The following USP11 variants were observed in gnomAD, a reference collection of about 807,000 sequenced individuals.
USP11 encodes ubiquitin carboxyl-terminal hydrolase 11.
USP11 carries 5 observed loss-of-function variants against 72.8 expected under a neutral mutation model. The ratio of observed to expected loss-of-function variants is 0.07; its 90% CI spans 0.04 to 0.14. The LOEUF is 0.14. Among genes scored for constraint, USP11 ranks in the 10% least tolerant of loss-of-function variants. USP11 has a pLI of 1.00. For missense variants in USP11, 480 were observed against 794.7 expected, an observed-to-expected ratio of 0.60 and a Z score of 4.76; for synonymous variants, 368 against 326.5, an observed-to-expected ratio of 1.13 and a Z score of -1.37.
chrX:47,243,391 C>T lies in USP11; in HGVS notation c.1584-5C>T, dbSNP rs746832469. ...TCAGGTGTGCCTGCTGTCCACCCCC[C>T]ACAGCTATGAGGTGTCAGGTCGCAT... On this transcript the variant is annotated splice_polypyrimidine_tract_variant and splice_region_variant and intron_variant, in intron 12 of 20. Transcript: ENST00000377107. 4.8e-5 allele frequency: 58 copies of T among 1,210,675 alleles called. No individual in the cohort carries two copies. The highest frequency in any genetic ancestry group is 1.9e-4 in the African/African-American group (11 of 57,507).
At chrX:47,247,444 C>G (rs2055440507) in intron 19 of USP11, 25 bp downstream of exon 19, 1 of 1,201,782 alleles carries the variant, frequency 8.3e-7, no homozygotes, top group Non-Finnish European at 1.1e-6. Context: ...GTGGGTGGGG[C>G]CTGCCCTGGG....
chrX:47,240,178 A>G, intron 4 of USP11, 127 bp from the exon 5 acceptor site: 3 of 945,944 alleles, frequency 3.2e-6, no homozygotes, highest in Non-Finnish European at 4.3e-6. Flanking sequence ...AGTCATTTGG[A>G]GACTGATTGA....
At chrX:47,235,361 C>G (rs1176463828) in intron 1 of USP11, among the ~76,000 whole-genome samples, 2 of 111,985 alleles carry the variant, frequency 1.8e-5, no homozygotes, top group Non-Finnish European at 3.8e-5. Context: ...TGATGTTAAC[C>G]TTGATCACTT....
intron 19 of USP11, 71 bp from the exon 20 acceptor site, chrX:47,247,540 T>G: frequency 1.7e-6 from 2 of 1,159,500 alleles, no homozygotes; most frequent in Non-Finnish European, 2.3e-6. Context: ...GTGGGAGGAG[T>G]GACAAGAGTG....
chrX:47,236,861 T>C (rs754693152), intron 1 of USP11, among the ~76,000 whole-genome samples: 1 of 112,317 alleles, frequency 8.9e-6, no homozygotes, highest in East Asian at 2.8e-4. Flanking sequence ...ATTTGGGTGT[T>C]ATTGATACAG....
At chrX:47,235,313 G>A (rs929802282) in intron 1 of USP11, among the ~76,000 whole-genome samples, 1 of 111,795 alleles carries the variant, frequency 8.9e-6, no homozygotes, top group African/African-American at 3.3e-5. Flanking sequence ...CCTTATCTTC[G>A]CATCGGGTAA....
At chrX:47,236,958 T>A (rs1202854116) in intron 1 of USP11, among the ~76,000 whole-genome samples, 3 of 112,034 alleles carry the variant, frequency 2.7e-5, no homozygotes, top group African/African-American at 9.7e-5. Flanking sequence ...ATGATTTTTT[T>A]AAAGTGTCTT....
intron 17 of USP11, among the ~76,000 whole-genome samples, chrX:47,245,861 G>C (rs760413752): frequency 9.0e-6 from 1 of 111,151 alleles, no homozygotes; most frequent in Non-Finnish European, 1.9e-5. Context: ...AGCTCTTTAA[G>C]TATACCTTCC....
chrX:47,239,732 GGTCACAGCGCTGT>G, intron 3 of USP11, 45 bp from the exon 4 acceptor site: 1 of 1,120,145 alleles, frequency 8.9e-7, no homozygotes, highest in Non-Finnish European at 1.2e-6. Flanking sequence ...TCATTTGAGA[GGTCACAGCGCTGT>G]GTCTGTGTGA....
chrX:47,245,357 C>G lies in USP11; in HGVS notation c.2158-13C>G. 8.3e-7 allele frequency: 1 copy of G among 1,200,860 alleles called. No homozygotes were observed. Among genetic ancestry groups the G allele is most frequent in the African/African-American group, 1.7e-5 (1 of 57,534 alleles). ...ACAGCCGGCCATCTGGTTGTCTGTT[C>G]ACCCAATCCTAGGGCTACGTGAAGC... On this transcript the variant is annotated splice_polypyrimidine_tract_variant and intron_variant, in intron 16 of 20. Transcript: ENST00000377107.
chrX:47,237,786 ATGTGTGTGTGTG>A (rs763902030), intron 1 of USP11, among the ~76,000 whole-genome samples: 37 of 38,372 alleles, frequency 9.6e-4, no homozygotes, highest in East Asian at 2.8e-3. Context: ...GTGTGTGTGT[ATGTGTGTGTGTG>A]TGTGTGTGTG....
In USP11 at chrX:47,248,135, G is replaced by A. The variant is rs369598102; in HGVS notation, c.*205G>A. The A allele has an allele frequency of 9.7e-5, 49 of 502,589 alleles. No individual in the cohort carries two copies. The highest frequency in any genetic ancestry group is 6.1e-4 in the Middle Eastern group (1 of 1,637). The allele number at this position is 502,589 out of a possible 1,213,427, so 41.4% of individuals were successfully genotyped here. ...GTCTCCTCCTAGCAGTGCGCGCCCC[G>A]CCTGTGTTTGCCCTTCCAGCAGTGA... is the stretch of plus-strand genomic sequence containing the variant. On this transcript the variant is annotated 3_prime_UTR_variant, in exon 21 of 21. Transcript: ENST00000377107.
intron 1 of USP11, among the ~76,000 whole-genome samples, chrX:47,234,759 AAAT>A (rs1334384267): frequency 1.8e-5 from 2 of 112,071 alleles, no homozygotes; most frequent in African/African-American, 6.5e-5. Context: ...ACCCCCCAAA[AAAT>A]AAGTATGTGA....
chrX:47,235,190 A>G (rs1242173450), intron 1 of USP11, among the ~76,000 whole-genome samples: 2 of 112,094 alleles, frequency 1.8e-5, no homozygotes, highest in Non-Finnish European at 3.8e-5. Context: ...CCTTTTCTTT[A>G]ATGTTTTACC....
intron 6 of USP11, 37 bp from the exon 7 acceptor site, chrX:47,240,737 G>GCTGA: frequency 8.3e-7 from 1 of 1,206,521 alleles, no homozygotes. Flanking sequence ...CCCCCATGCA[G>GCTGA]CAGGCCCTCA....
chrX:47,244,371 A>C, intron 13 of USP11, 127 bp from the exon 14 acceptor site: 1 of 775,839 alleles, frequency 1.3e-6, no homozygotes, highest in African/African-American at 2.1e-5. Flanking sequence ...CAGCCCTCTC[A>C]CACCTCAGAT....
rs2055355180 is a variant in USP11, at chrX:47,233,389, C to G, written c.176+170C>G. ...GGCGGGGAAGTGCCTTTGAATGAAT[C>G]GCAACGTCTGGAAAAGGGGCGGGGC... is the stretch of plus-strand genomic sequence containing the variant. On this transcript the variant is annotated intron_variant, in intron 1 of 20. Transcript: ENST00000377107. The G allele has an allele frequency of 5.6e-6, 6 of 1,078,668 alleles. No homozygotes were observed. The South Asian group carries it at 1.4e-4, about 26-fold the overall frequency. The allele number at this position is 1,078,668 out of a possible 1,213,427, so 88.9% of individuals were successfully genotyped here. A position where few individuals can be genotyped will look rare whatever the true frequency, so the allele number is the denominator to read the frequency against.
Position 47,242,434 on chromosome X carries a change from C to G in USP11, c.1405-5C>G. The G allele has an allele frequency of 1.7e-6, 2 of 1,211,908 alleles. No homozygotes were observed. Among genetic ancestry groups the G allele is most frequent in the Non-Finnish European group, 2.2e-6 (2 of 895,511 alleles). On this transcript the variant is annotated splice_region_variant and splice_polypyrimidine_tract_variant and intron_variant, in intron 10 of 20. Transcript: ENST00000377107. ...GGTCTTTTGTGGATACCGTTTTTCC[C>G]TTAGCACCGGCTCGTGGTCCCCAAG...
intron 1 of USP11, chrX:47,233,899 G>A (rs2055359229): frequency 8.9e-6 from 1 of 112,339 alleles, no homozygotes; most frequent in African/African-American, 3.2e-5. Flanking sequence ...TTCCCGAGTC[G>A]AGAGAACGTG....
Sources: allele counts gnomAD v4.1 joint callset (sites outside exome capture counted in the v4.1 genomes callset), GRCh38; gene constraint gnomAD v4.1.1; transcripts MANE v1.5; gene names NCBI Gene and HGNC (gene_info 2026-07-23, HGNC 2026-07-21).